The following CACNA2D3 variants were observed in gnomAD, a reference collection of about 807,000 sequenced individuals.
The protein encoded by CACNA2D3 is voltage-dependent calcium channel subunit alpha-2/delta-3.
A neutral mutation model predicts 160.6 loss-of-function variants in CACNA2D3; 60 were observed. The observed-to-expected ratio is 0.37, with a 90% confidence interval of 0.30 to 0.46. The LOEUF is 0.46. Among genes scored for constraint, CACNA2D3 ranks in the 20% least tolerant of loss-of-function variants. The probability of loss-of-function intolerance (pLI) is 1.00; values close to 1 mark genes in which losing one functional copy is unlikely to be tolerated. For synonymous variants in CACNA2D3, 558 were observed against 492.9 expected, an observed-to-expected ratio of 1.13 and a Z score of -1.75; for missense variants, 1,205 against 1,365.0, an observed-to-expected ratio of 0.88 and a Z score of 1.85.
intron 2 of CACNA2D3, among the ~76,000 whole-genome samples, chr3:54,161,354 A>G (rs1700341035): frequency 6.6e-6 from 1 of 152,222 alleles, no homozygotes; most frequent in South Asian, 2.1e-4. Context: ...AGGAGACAGC[A>G]GTCTTAGCCA....
intron 2 of CACNA2D3, among the ~76,000 whole-genome samples, chr3:54,276,586 A>C (rs7373444): frequency 8.9e-5 from 13 of 146,686 alleles, no homozygotes; most frequent in East Asian, 2.1e-4. Context: ...AAAAAAAAAA[A>C]AAAAGAAGAA....
intron 3 of CACNA2D3, among the ~76,000 whole-genome samples, chr3:54,346,805 T>C (rs372692925): frequency 6.6e-6 from 1 of 152,340 alleles, no homozygotes; most frequent in East Asian, 1.9e-4. Flanking sequence ...ACAGAATAGT[T>C]TGACTGCCCT....
chr3:54,710,977 A>T (rs1336323609), intron 11 of CACNA2D3, among the ~76,000 whole-genome samples: 1 of 152,230 alleles, frequency 6.6e-6, no homozygotes, highest in African/African-American at 2.4e-5. Flanking sequence ...TGTCACTGTC[A>T]TTCATCTGTG....
At chr3:54,426,076 G>A (rs1210686681) in intron 4 of CACNA2D3, among the ~76,000 whole-genome samples, 1 of 152,188 alleles carries the variant, frequency 6.6e-6, no homozygotes, top group Non-Finnish European at 1.5e-5. Context: ...TATAACTCAG[G>A]TGTGTGTCCT....
intron 2 of CACNA2D3, among the ~76,000 whole-genome samples, chr3:54,133,943 T>TA (rs1441894259): frequency 6.6e-6 from 1 of 152,114 alleles, no homozygotes; most frequent in Admixed American, 6.5e-5. Context: ...GGGGTCATGA[T>TA]AGGGAGGATT....
chr3:54,514,571 C>G (rs553444675), intron 5 of CACNA2D3, among the ~76,000 whole-genome samples: 90 of 152,272 alleles, frequency 5.9e-4, no homozygotes, highest in Admixed American at 3.6e-3. Flanking sequence ...AGTGGGAAGG[C>G]AGGCGGGAAG....
intron 27 of CACNA2D3, among the ~76,000 whole-genome samples, chr3:54,960,058 C>T (rs78087475): frequency 0.013 from 1,845 of 146,906 alleles, 38 homozygotes; most frequent in African/African-American, 0.045. Context: ...GTGACAGTTC[C>T]GAGAAGCTCT....
chr3:54,143,126 C>G (rs1699967779), intron 2 of CACNA2D3, among the ~76,000 whole-genome samples: 2 of 152,236 alleles, frequency 1.3e-5, no homozygotes, highest in Non-Finnish European at 2.9e-5. Flanking sequence ...ATACCAGCAA[C>G]AACTGCTTGG....
At chr3:54,154,390 T>C (rs906428393) in intron 2 of CACNA2D3, among the ~76,000 whole-genome samples, 3 of 152,202 alleles carry the variant, frequency 2.0e-5, no homozygotes, top group Non-Finnish European at 4.4e-5. Context: ...GGTTAATTAA[T>C]GGGCCCAAGG....
intron 4 of CACNA2D3, among the ~76,000 whole-genome samples, chr3:54,460,049 G>A (rs1316389358): frequency 1.3e-5 from 2 of 151,956 alleles, no homozygotes; most frequent in East Asian, 1.9e-4. Context: ...CCCATTGCTT[G>A]TTTTTCTCAG....
At position 54,729,448 on chromosome 3, in the gene CACNA2D3, A is replaced by G. The variant is rs145692732; in HGVS notation, c.1168-23151A>G. On this transcript the variant is annotated intron_variant, in intron 11 of 37. Transcript: ENST00000474759. ...CATAGCTAGAAGCAGAATTTCTCCA[A>G]TTAATACTTTTAAATTTATTGTAAG... 1.1e-3 allele frequency among the ~76,000 whole-genome samples: 87 copies of G among 81,168 alleles called. No individual in the cohort carries two copies. In the East Asian group the frequency reaches 0.016, roughly 14 times the overall value. 53.2% of individuals were successfully genotyped at this position (81,168 alleles called of 152,430 possible).
chr3:54,483,290 A>G (rs1430183289), intron 4 of CACNA2D3, among the ~76,000 whole-genome samples: 1 of 152,154 alleles, frequency 6.6e-6, no homozygotes, highest in Admixed American at 6.5e-5. Flanking sequence ...GAGCCTAAAA[A>G]AATTTTGTTT....
intron 2 of CACNA2D3, among the ~76,000 whole-genome samples, chr3:54,219,217 G>C (rs933474711): frequency 6.6e-6 from 1 of 152,150 alleles, no homozygotes; most frequent in African/African-American, 2.4e-5. Flanking sequence ...TCCCAATTTT[G>C]TGTTCAGTGA....
rs759127948 is a variant in CACNA2D3, at chr3:54,924,609, C to T, written c.2449+24741C>T. On this transcript the variant is annotated intron_variant, in intron 27 of 37. Transcript: ENST00000474759. ...ACACAGATGGGGGGTTCCAAATAGACATGACTGACCTTTATAGACAAATTT... is the reference window on the plus strand; with the variant it reads ...ACACAGATGGGGGGTTCCAAATAGATATGACTGACCTTTATAGACAAATTT... 5 of 1,603,782 alleles carry T rather than the reference C, an allele frequency of 3.1e-6. No individual in the cohort carries two copies. In the African/African-American group the frequency reaches 4.0e-5, roughly 13 times the overall value.
At chr3:54,385,773 C>T (rs1319564319) in intron 3 of CACNA2D3, 1 of 366,202 alleles carries the variant, frequency 2.7e-6, no homozygotes, top group African/African-American at 2.2e-5. Context: ...CTATTAAACT[C>T]AGGCCTATAT....
chr3:54,743,753 C>T (rs532888052), intron 11 of CACNA2D3, among the ~76,000 whole-genome samples: 1 of 152,298 alleles, frequency 6.6e-6, no homozygotes, highest in South Asian at 2.1e-4. Context: ...GCTGTCACCA[C>T]TTGATCTCTC....
intron 11 of CACNA2D3, among the ~76,000 whole-genome samples, chr3:54,734,658 C>T (rs1701460912): frequency 6.6e-6 from 1 of 152,162 alleles, no homozygotes; most frequent in Non-Finnish European, 1.5e-5. Context: ...AATGGCAACT[C>T]ACAAAGACCA....
Position 54,871,548 on chromosome 3 carries a change from G to C in CACNA2D3, c.1636G>C (p.Gly546Arg). The change falls in exon 18 of 38, where the codon GGA becomes CGA. Residue 546 changes from glycine (G) to arginine (R), a missense_variant. By Grantham distance (125) the Gly-to-Arg change is moderately radical. Transcript: ENST00000474759. Reference protein sequence around the residue: ...HPELRLLYEEGKKRRKPNYSS... With the variant: ...HPELRLLYEERKKRRKPNYSS... ...TTCTTCCCCTTGCTAGTACGAAGAA[G>C]GAAAAAAGCGAAGGAAACCTAACTA... is the stretch of plus-strand genomic sequence containing the variant. 6.2e-7 allele frequency: 1 copy of C among 1,612,570 alleles called. No individual in the cohort carries two copies. Among genetic ancestry groups the C allele is most frequent in the Non-Finnish European group, 8.5e-7 (1 of 1,178,758 alleles).
At chr3:54,975,926 A>G (rs879822208) in intron 29 of CACNA2D3, among the ~76,000 whole-genome samples, 1 of 152,140 alleles carries the variant, frequency 6.6e-6, no homozygotes, top group Non-Finnish European at 1.5e-5. Context: ...AGCCACAATA[A>G]TAACACCCCA....
Sources: allele counts gnomAD v4.1 joint callset (sites outside exome capture counted in the v4.1 genomes callset), GRCh38; gene constraint gnomAD v4.1.1; transcripts MANE v1.5; gene names NCBI Gene and HGNC (gene_info 2026-07-23, HGNC 2026-07-21).